Variants in MECR observed in about 807,000 individuals in gnomAD.
MECR encodes the protein mitochondrial trans-2-enoyl-CoA reductase, also known as enoyl-[acyl-carrier-protein] reductase, mitochondrial.
A neutral mutation model predicts 49.1 loss-of-function variants in MECR; 37 were observed. The ratio of observed to expected loss-of-function variants is 0.75; its 90% CI spans 0.58 to 0.99. The LOEUF (loss-of-function observed/expected upper bound fraction) is 0.99, where lower values mean the gene tolerates loss of function less well. MECR is among the 50% of genes least tolerant of loss of function. The probability of loss-of-function intolerance (pLI) is 0.00; values close to 1 mark genes in which losing one functional copy is unlikely to be tolerated. For missense variants in MECR, 470 were observed against 479.6 expected (o/e 0.98, Z 0.19); for synonymous variants, 198 against 191.1 (o/e 1.04, Z -0.30).
At chr1:29,192,583 C>A (rs187340418), downstream of MECR, among the ~76,000 whole-genome samples, 1 of 152,294 alleles carries the variant, frequency 6.6e-6, no homozygotes, top group Admixed American at 6.5e-5. Context: ...ACACTAGGCA[C>A]TCAATAAATA....
intron 9 of MECR, 96 bp from the exon 10 acceptor site, chr1:29,194,275 G>C: frequency 7.3e-7 from 1 of 1,364,270 alleles, no homozygotes; most frequent in Non-Finnish European, 1.0e-6. Flanking sequence ...CTGGCACCAA[G>C]CTCCAATAAA....
At chr1:29,226,167 TAAAAAAAAAAAAAAAA>T (rs57234529) in intron 1 of MECR, among the ~76,000 whole-genome samples, 1 of 44,364 alleles carries the variant, frequency 2.3e-5, no homozygotes, top group South Asian at 1.1e-3. Flanking sequence ...AGGCTCTATC[TAAAAAAAAAAAAAAAA>T]AAAAAAAAAA....
intron 3 of MECR, among the ~76,000 whole-genome samples, chr1:29,207,886 A>G (rs1677008072): frequency 6.6e-6 from 1 of 152,204 alleles, no homozygotes; most frequent in Non-Finnish European, 1.5e-5. Context: ...AACTGCTGCA[A>G]TCTAAGGGTA....
intron 3 of MECR, among the ~76,000 whole-genome samples, chr1:29,210,313 AG>A (rs943452611): frequency 2.6e-5 from 4 of 152,150 alleles, no homozygotes; most frequent in Non-Finnish European, 4.4e-5. Flanking sequence ...TACCCGGCCC[AG>A]GAACACTTTT....
chr1:29,214,662 C>G (rs1445963786), intron 3 of MECR, among the ~76,000 whole-genome samples: 1 of 152,150 alleles, frequency 6.6e-6, no homozygotes, highest in Non-Finnish European at 1.5e-5. Context: ...CGCCTGGCCC[C>G]AACTTCTTTT....
chr1:29,213,424 T>A (rs1037567808), intron 3 of MECR, among the ~76,000 whole-genome samples: 1 of 152,068 alleles, frequency 6.6e-6, no homozygotes, highest in African/African-American at 2.4e-5. Flanking sequence ...CTGCCTAGTA[T>A]CTTTTTCTCT....
At chr1:29,223,022 CCT>C (rs1681150771) in intron 1 of MECR, 1 of 908,996 alleles carries the variant, frequency 1.1e-6, no homozygotes, top group South Asian at 5.0e-5. Flanking sequence ...CAATTTCTTC[CCT>C]GTTCTTTAAA....
chr1:29,230,632 C>A, intron 1 of MECR, 99 bp downstream of exon 1: 8 of 1,439,496 alleles, frequency 5.6e-6, no homozygotes, highest in Non-Finnish European at 7.5e-6. Context: ...TTCTCTGCCC[C>A]CTTCCTCGGA....
At chr1:29,211,586 T>C (rs879261412) in intron 3 of MECR, among the ~76,000 whole-genome samples, 3 of 152,244 alleles carry the variant, frequency 2.0e-5, no homozygotes, top group Admixed American at 2.0e-4. Flanking sequence ...ATATTCTCAG[T>C]TGAGTACTGC....
At chr1:29,230,295 A>T (rs1220852525) in intron 1 of MECR, 1 of 173,618 alleles carries the variant, frequency 5.8e-6, no homozygotes, top group African/African-American at 2.4e-5. Flanking sequence ...AATAATAATA[A>T]TAGTAAGAAC....
At chr1:29,206,717 T>A in intron 4 of MECR, 45 bp downstream of exon 4, 1 of 1,606,624 alleles carries the variant, frequency 6.2e-7, no homozygotes, top group Non-Finnish European at 8.5e-7. Context: ...AGTGGCACCC[T>A]AGTTGCGAGA....
At chr1:29,176,138 G>C in the MECR span, among the ~76,000 whole-genome samples, 1 of 152,126 alleles carries the variant, frequency 6.6e-6, no homozygotes. Context: ...TGTAGTCCCA[G>C]CTACTTGGGA....
rs182446381 is a variant in MECR, at chr1:29,214,893, G to A, written c.406+1112C>T. Reference sequence around the variant, plus strand: ...GCTGCTGTGAGGATCAATAACAGACGTGCCTTGAAAACTGTTAAGTGCTAA... The same window carrying A: ...GCTGCTGTGAGGATCAATAACAGACATGCCTTGAAAACTGTTAAGTGCTAA... On this transcript the variant is annotated intron_variant, in intron 3 of 9. Transcript: ENST00000263702. 2.6e-5 allele frequency among the ~76,000 whole-genome samples: 4 copies of A among 152,302 alleles called. No individual in the cohort carries two copies. The East Asian group carries it at 7.7e-4, about 29-fold the overall frequency.
the MECR span, among the ~76,000 whole-genome samples, chr1:29,184,708 C>G: frequency 6.6e-6 from 1 of 150,628 alleles, no homozygotes; most frequent in Admixed American, 6.6e-5. Context: ...GAGCCGAGAT[C>G]GTGCCATCAC....
At chr1:29,178,796 A>G in the MECR span, among the ~76,000 whole-genome samples, 2 of 151,926 alleles carry the variant, frequency 1.3e-5, no homozygotes, top group African/African-American at 4.8e-5. Flanking sequence ...TTCCTTTCAG[A>G]CTCTCCAGCG....
intron 1 of MECR, among the ~76,000 whole-genome samples, 164 bp downstream of exon 1, chr1:29,230,567 A>G (rs1210425449): frequency 6.6e-6 from 1 of 152,218 alleles, no homozygotes; most frequent in Non-Finnish European, 1.5e-5. Context: ...GCTACCTTCA[A>G]GTACGGTCTT....
At chr1:29,217,887 C>T (rs987713476) in intron 1 of MECR, among the ~76,000 whole-genome samples, 2 of 152,178 alleles carry the variant, frequency 1.3e-5, no homozygotes, top group Non-Finnish European at 2.9e-5. Context: ...GAGTGATGTC[C>T]CTTCTGGAGG....
intron 1 of MECR, 51 bp downstream of exon 1, chr1:29,230,680 A>G: frequency 6.5e-7 from 1 of 1,542,194 alleles, no homozygotes; most frequent in Non-Finnish European, 8.8e-7. Context: ...CTCGTGTTAA[A>G]GCCTTCCAGA....
At chr1:29,181,366 G>GC in the MECR span, among the ~76,000 whole-genome samples, 1 of 151,978 alleles carries the variant, frequency 6.6e-6, no homozygotes, top group Non-Finnish European at 1.5e-5. Flanking sequence ...CTGGAGCTGT[G>GC]CCCCCCTGCC....
Sources: allele counts gnomAD v4.1 joint callset (sites outside exome capture counted in the v4.1 genomes callset), GRCh38; gene constraint gnomAD v4.1.1; transcripts MANE v1.5; gene names NCBI Gene and HGNC (gene_info 2026-07-23, HGNC 2026-07-21).